CDH18: variants seen among roughly 807,000 people sequenced by gnomAD.
The protein encoded by CDH18 is cadherin 18.
A neutral mutation model predicts 67.9 loss-of-function variants in CDH18; 31 were observed. The observed-to-expected ratio is 0.46, with a 90% CI of 0.34 to 0.62. The LOEUF (loss-of-function observed/expected upper bound fraction) is 0.62. Ranked by LOEUF, CDH18 falls within the 20% of genes least tolerant of loss-of-function variation. The probability of loss-of-function intolerance (pLI) is 0.01; values close to 1 mark genes in which losing one functional copy is unlikely to be tolerated. For missense variants in CDH18, 890 were observed against 975.5 expected, an observed-to-expected ratio of 0.91 and a Z score of 1.17; for synonymous variants, 362 against 347.2, an observed-to-expected ratio of 1.04 and a Z score of -0.48.
At position 19,786,695 on chromosome 5, in the gene CDH18, C is replaced by T. The variant is rs114837890; in HGVS notation, c.229-39459G>A. On this transcript the variant is annotated intron_variant, in intron 3 of 12. Transcript: ENST00000382275. ...ATGTCCTCACCACACTCTTCATTGA[C>T]CTGACACTTAACCACACATTTTACA... Among the ~76,000 whole-genome samples, 618 of 152,284 alleles carry T rather than the reference C, an allele frequency of 4.1e-3. 5 individuals are homozygous for T. Among genetic ancestry groups the T allele is most frequent in the African/African-American group, 0.014 (584 of 41,568 alleles).
chr5:19,672,103 G>A (rs761217862), intron 5 of CDH18, among the ~76,000 whole-genome samples: 6 of 152,074 alleles, frequency 3.9e-5, no homozygotes, highest in Admixed American at 3.3e-4. Context: ...TCAGTGATTG[G>A]AGCTGTGTTC....
At chr5:20,565,056 AT>A (rs1350856298) in intron 1 of CDH18, among the ~76,000 whole-genome samples, 1 of 152,180 alleles carries the variant, frequency 6.6e-6, no homozygotes, top group Non-Finnish European at 1.5e-5. Context: ...TCTTTCATGT[AT>A]GATCACCCTA....
intron 2 of CDH18, among the ~76,000 whole-genome samples, chr5:20,253,831 T>TA (rs1421205362): frequency 2.0e-5 from 3 of 152,128 alleles, no homozygotes; most frequent in Non-Finnish European, 4.4e-5. Flanking sequence ...TATTTGAAGA[T>TA]ATAGTCCACA....
At chr5:20,169,822 C>G (rs1736559170) in intron 2 of CDH18, among the ~76,000 whole-genome samples, 1 of 151,976 alleles carries the variant, frequency 6.6e-6, no homozygotes, top group South Asian at 2.1e-4. Flanking sequence ...TAGGCCAGTA[C>G]TTTTTATATT....
At position 20,389,080 on chromosome 5, in the gene CDH18, G is replaced by A. The variant is rs189263716; in HGVS notation, c.-579-133575C>T. Reference sequence around the variant, plus strand: ...ATGTCTATTAGGTCTGCTTGGTACAGAGCTGAGTTCAATTCCTGGATATCC... The same window carrying A: ...ATGTCTATTAGGTCTGCTTGGTACAAAGCTGAGTTCAATTCCTGGATATCC... On this transcript the variant is annotated intron_variant, in intron 1 of 14. Coordinates refer to the CDH18 transcript ENST00000507958. Among the ~76,000 whole-genome samples, 179 of 152,238 alleles carry A rather than the reference G, an allele frequency of 1.2e-3. 2 individuals carry two copies. Among genetic ancestry groups the A allele is most frequent in the Non-Finnish European group, 2.6e-4 (18 of 68,018 alleles).
chr5:19,708,398 G>A (rs1474454445), intron 5 of CDH18, among the ~76,000 whole-genome samples: 2 of 152,078 alleles, frequency 1.3e-5, no homozygotes, highest in Admixed American at 6.6e-5. Context: ...TGATTCCTGT[G>A]AGAAGTAGCT....
At chr5:20,305,644 G>C (rs1736367477) in intron 1 of CDH18, 2 of 443,000 alleles carry the variant, frequency 4.5e-6, no homozygotes, top group East Asian at 5.1e-5. Flanking sequence ...GCCATGTCCG[G>C]GGGGTGGGGG....
chr5:20,244,774 T>C (rs912218836), intron 2 of CDH18, among the ~76,000 whole-genome samples: 1 of 152,152 alleles, frequency 6.6e-6, no homozygotes, highest in African/African-American at 2.4e-5. Flanking sequence ...TTGTTGCTTG[T>C]AATGTCTTTT....
intron 5 of CDH18, among the ~76,000 whole-genome samples, chr5:19,698,615 G>C (rs1243186270): frequency 6.6e-6 from 1 of 151,862 alleles, no homozygotes; most frequent in African/African-American, 2.4e-5. Context: ...AGGAATCAAT[G>C]TAATAAAAAA....
chr5:20,061,835 C>T (rs1742512369), intron 2 of CDH18, among the ~76,000 whole-genome samples: 1 of 152,070 alleles, frequency 6.6e-6, no homozygotes, highest in Admixed American at 6.6e-5. Context: ...CCCATTTATT[C>T]TTTCCTTTTA....
intron 2 of CDH18, among the ~76,000 whole-genome samples, chr5:19,906,635 T>G (rs1237226067): frequency 1.3e-5 from 2 of 151,918 alleles, no homozygotes; most frequent in Non-Finnish European, 2.9e-5. Context: ...TGGTTTGAAG[T>G]GCTGTTCAAA....
chr5:20,391,403 T>C (rs185209486), intron 1 of CDH18, among the ~76,000 whole-genome samples: 124 of 152,118 alleles, frequency 8.2e-4, no homozygotes, highest in African/African-American at 2.6e-3. Flanking sequence ...AGAATTTTTG[T>C]AAAGATAAAA....
At chr5:19,626,662 C>T (rs1172654319) in intron 5 of CDH18, among the ~76,000 whole-genome samples, 1 of 151,128 alleles carries the variant, frequency 6.6e-6, no homozygotes, top group Non-Finnish European at 1.5e-5. Flanking sequence ...TTGCTGCCCT[C>T]ACAACACTGA....
At chr5:19,561,408 A>G (rs897500363) in intron 8 of CDH18, among the ~76,000 whole-genome samples, 11 of 152,172 alleles carry the variant, frequency 7.2e-5, no homozygotes, top group Admixed American at 1.3e-4. Context: ...TAACTCGGGA[A>G]TGGAAAACCA....
chr5:20,102,734 GA>G (rs1561792299), intron 2 of CDH18, among the ~76,000 whole-genome samples: 3 of 152,068 alleles, frequency 2.0e-5, no homozygotes, highest in African/African-American at 4.8e-5. Context: ...AAAAGAAATA[GA>G]GACAGAAGGA....
intron 1 of CDH18, among the ~76,000 whole-genome samples, chr5:20,427,079 A>C (rs571515304): frequency 6.6e-6 from 1 of 151,394 alleles, no homozygotes; most frequent in African/African-American, 2.5e-5. Flanking sequence ...ACAAAATTAC[A>C]GCAGTGAAAA....
rs576832228 is a variant in CDH18, at chr5:19,707,914, C to T, written c.643+13433G>A. 2.0e-5 allele frequency among the ~76,000 whole-genome samples: 3 copies of T among 152,318 alleles called. No individual in the cohort carries two copies. In the East Asian group the frequency reaches 5.8e-4, roughly 29 times the overall value. On this transcript the variant is annotated intron_variant, in intron 5 of 12. Transcript: ENST00000382275. ...GGGATGTTTAGCTTGAATTGCCCTT[C>T]TCCATCTGCATGCCATGGCCACACT...
intron 2 of CDH18, among the ~76,000 whole-genome samples, chr5:19,920,510 CTTTTT>C (rs66464033): frequency 2.4e-5 from 2 of 83,008 alleles, no homozygotes; most frequent in African/African-American, 8.0e-5. Flanking sequence ...TTTAACCTTA[CTTTTT>C]TTTTTTTTTT....
chr5:20,187,037 T>C (rs1580433345), intron 2 of CDH18, among the ~76,000 whole-genome samples: 1 of 151,994 alleles, frequency 6.6e-6, no homozygotes, highest in East Asian at 1.9e-4. Flanking sequence ...AAGAAGCCAG[T>C]CACAAAAATA....
Sources: gnomAD v4.1 joint callset for allele counts (sites outside exome capture counted in the v4.1 genomes callset) on GRCh38, gnomAD v4.1.1 for gene constraint, MANE v1.5 for transcripts, NCBI Gene and HGNC (gene_info 2026-07-23, HGNC 2026-07-21) for gene names.